Variants in PAPPA observed in about 807,000 individuals in gnomAD.
PAPPA encodes pappalysin 1.
PAPPA carries 60 observed loss-of-function variants against 164.0 expected under a neutral mutation model. The ratio of observed to expected loss-of-function variants is 0.37; its 90% CI spans 0.30 to 0.45. The LOEUF (loss-of-function observed/expected upper bound fraction) is 0.45. Ranked by LOEUF, PAPPA falls within the 20% of genes least tolerant of loss-of-function variation. The pLI is 1.00. For missense variants in PAPPA, 1,782 were observed against 2,087.3 expected, an observed-to-expected ratio of 0.85 and a Z score of 2.85; for synonymous variants, 875 against 814.1, an observed-to-expected ratio of 1.07 and a Z score of -1.27.
At chr9:116,309,803 T>G (rs1845693098) in intron 10 of PAPPA, among the ~76,000 whole-genome samples, 1 of 151,226 alleles carries the variant, frequency 6.6e-6, no homozygotes, top group African/African-American at 2.4e-5. Flanking sequence ...CAATGGGGAG[T>G]TTTTCTGAGT....
intron 9 of PAPPA, among the ~76,000 whole-genome samples, chr9:116,274,076 G>A (rs1183381299): frequency 2.3e-5 from 3 of 130,758 alleles, no homozygotes; most frequent in Admixed American, 7.9e-5. Flanking sequence ...ACTGTGGTAA[G>A]CTACCTGCAA....
chr9:116,156,334 G>GTATATATA (rs374567663), intron 1 of PAPPA, among the ~76,000 whole-genome samples: 1,573 of 139,530 alleles, frequency 0.011, 21 homozygotes, highest in East Asian at 0.048. Flanking sequence ...ATATATATGT[G>GTATATATA]TATATATATA....
chr9:116,191,348 T>C (rs973279046), intron 2 of PAPPA, among the ~76,000 whole-genome samples: 1 of 152,142 alleles, frequency 6.6e-6, no homozygotes, highest in African/African-American at 2.4e-5. Context: ...AGGCCATAGG[T>C]GGGATTACAG....
chr9:116,301,922 C>A (rs1163933916), intron 9 of PAPPA, among the ~76,000 whole-genome samples: 1 of 152,168 alleles, frequency 6.6e-6, no homozygotes, highest in Non-Finnish European at 1.5e-5. Flanking sequence ...GGAATTGAAG[C>A]CAATGTCCCT....
chr9:116,186,640 A>G (rs971288451), intron 1 of PAPPA, among the ~76,000 whole-genome samples: 1 of 152,204 alleles, frequency 6.6e-6, no homozygotes, highest in Non-Finnish European at 1.5e-5. Flanking sequence ...TCTGGTAACT[A>G]TGGTAGGGAC....
chr9:116,375,327 T>C (rs540400483), intron 19 of PAPPA, among the ~76,000 whole-genome samples: 3 of 152,310 alleles, frequency 2.0e-5, no homozygotes, highest in Admixed American at 6.5e-5. Flanking sequence ...GCAAGACTGA[T>C]TGGAAGATCA....
chr9:116,260,085 T>G (rs1378800136), intron 7 of PAPPA, among the ~76,000 whole-genome samples: 1 of 152,172 alleles, frequency 6.6e-6, no homozygotes, highest in Non-Finnish European at 1.5e-5. Flanking sequence ...AGTATAGTAT[T>G]GAAACATCTA....
intron 2 of PAPPA, among the ~76,000 whole-genome samples, chr9:116,206,487 AT>A (rs1451723670): frequency 2.6e-5 from 4 of 152,146 alleles, no homozygotes; most frequent in Non-Finnish European, 5.9e-5. Flanking sequence ...GAATTATTGA[AT>A]TTGAGACTGA....
chr9:116,163,020 G>A (rs1261639764), intron 1 of PAPPA, among the ~76,000 whole-genome samples: 1 of 152,158 alleles, frequency 6.6e-6, no homozygotes, highest in Non-Finnish European at 1.5e-5. Flanking sequence ...CAAGAGACCA[G>A]GTAAAATTTG....
At chr9:116,232,034 A>T (rs1233543000) in intron 6 of PAPPA, among the ~76,000 whole-genome samples, 1 of 152,060 alleles carries the variant, frequency 6.6e-6, no homozygotes, top group Admixed American at 6.6e-5. Context: ...GATTACAGGC[A>T]TGAGCCACCG....
At chr9:116,285,016 C>T (rs1845315293) in intron 9 of PAPPA, among the ~76,000 whole-genome samples, 1 of 152,038 alleles carries the variant, frequency 6.6e-6, no homozygotes, top group Non-Finnish European at 1.5e-5. Context: ...CCTTTTGTTG[C>T]TCTCCAATTG....
chr9:116,358,308 C>T (rs1846379609), intron 17 of PAPPA, among the ~76,000 whole-genome samples: 2 of 152,232 alleles, frequency 1.3e-5, no homozygotes, highest in Non-Finnish European at 2.9e-5. Context: ...TGTGGGGCAA[C>T]ATGTCACCCC....
chr9:116,363,688 C>T (rs1426060195), intron 18 of PAPPA, among the ~76,000 whole-genome samples: 1 of 152,164 alleles, frequency 6.6e-6, no homozygotes, highest in Non-Finnish European at 1.5e-5. Flanking sequence ...GAGCAATCAC[C>T]AGGGGTGTCT....
At position 116,398,846 on chromosome 9, in the gene PAPPA, A is replaced by T. The variant is rs2118747562; in HGVS notation, c.*2230A>T. ...GGACAAATTATTAGCAAGAAATAAGAATAGTATTAGAAGAATTGATCCTAT... is the reference window on the plus strand; with the variant it reads ...GGACAAATTATTAGCAAGAAATAAGTATAGTATTAGAAGAATTGATCCTAT... On this transcript the variant is annotated 3_prime_UTR_variant, in exon 22 of 22. Transcript: ENST00000328252. 5.3e-6 allele frequency: 2 copies of T among 373,920 alleles called. No homozygotes were observed. 23.2% of individuals were successfully genotyped at this position (373,920 alleles called of 1,614,324 possible). A position where few individuals can be genotyped will look rare whatever the true frequency, so the allele number is the denominator to read the frequency against.
At chr9:116,177,051 T>C (rs1306390406) in intron 1 of PAPPA, among the ~76,000 whole-genome samples, 2 of 151,400 alleles carry the variant, frequency 1.3e-5, no homozygotes, top group Admixed American at 6.6e-5. Context: ...GTTTCTGAGC[T>C]TATTAGAAAC....
intron 7 of PAPPA, among the ~76,000 whole-genome samples, chr9:116,243,134 C>T (rs911112675): frequency 6.6e-6 from 1 of 152,142 alleles, no homozygotes; most frequent in African/African-American, 2.4e-5. Flanking sequence ...AGGGAAATAG[C>T]ATTTATGCAG....
At chr9:116,375,407 C>G (rs1846636696) in intron 19 of PAPPA, among the ~76,000 whole-genome samples, 1 of 152,180 alleles carries the variant, frequency 6.6e-6, no homozygotes, top group Non-Finnish European at 1.5e-5. Context: ...TCAGCCTATA[C>G]TAAACTGATC....
rs73654616 is a variant in PAPPA at position 116,159,403 on chromosome 9, A to C, written c.415+4816A>C. Among the ~76,000 whole-genome samples the C allele has an allele frequency of 3.8e-3, 580 of 152,194 alleles. 6 individuals carry two copies. The highest frequency in any genetic ancestry group is 0.012 in the African/African-American group (513 of 41,508). On this transcript the variant is annotated intron_variant, in intron 1 of 21. Transcript: ENST00000328252. ...CCTGTTTGTAAGGCTTCCCCTCTTG[A>C]GTTGCTGGGGAGTCTCTCTAGAGTA... is the stretch of plus-strand genomic sequence containing the variant.
At position 116,154,599 on chromosome 9, in the gene PAPPA, C is replaced by A. The variant is rs756397991; in HGVS notation, c.415+12C>A. The A allele has an allele frequency of 5.2e-6, 7 of 1,338,424 alleles. No homozygotes were observed. Among genetic ancestry groups the A allele is most frequent in the African/African-American group, 4.6e-5 (3 of 65,368 alleles). The allele number at this position is 1,338,424 out of a possible 1,614,324, so 82.9% of individuals were successfully genotyped here. Reference sequence around the variant, plus strand: ...GGCAGTGATCACAGGTAGGTGAGGGCGCCTCGGCGGGCGCTGCACCGTCCC... The same window carrying A: ...GGCAGTGATCACAGGTAGGTGAGGGAGCCTCGGCGGGCGCTGCACCGTCCC... On this transcript the variant is annotated intron_variant, in intron 1 of 21. Transcript: ENST00000328252. The surrounding 1 kb of genome is among the most constrained non-coding windows in gnomAD (Gnocchi z 5.2).
Sources: gnomAD v4.1 joint callset for allele counts (sites outside exome capture counted in the v4.1 genomes callset) on GRCh38, gnomAD v4.1.1 for gene constraint, Gnocchi (gnomAD v3.1) non-coding constraint, MANE v1.5 for transcripts, NCBI Gene and HGNC (gene_info 2026-07-23, HGNC 2026-07-21) for gene names.